The following ARHGEF10L variants were observed in gnomAD, a reference collection of about 807,000 sequenced individuals.
The protein encoded by ARHGEF10L is Rho guanine nucleotide exchange factor 10 like.
A neutral mutation model predicts 141.2 loss-of-function variants in ARHGEF10L; 69 were observed. The observed-to-expected ratio is 0.49, with a 90% CI of 0.40 to 0.60. The LOEUF (loss-of-function observed/expected upper bound fraction) is 0.60, where lower values mean the gene tolerates loss of function less well. Among genes scored for constraint, ARHGEF10L ranks in the 20% least tolerant of loss-of-function variants. The pLI, the probability that ARHGEF10L is intolerant of heterozygous loss-of-function variation, is 0.00. For synonymous variants in ARHGEF10L, 711 were observed against 718.5 expected, an observed-to-expected ratio of 0.99 and a Z score of 0.17; for missense variants, 1,482 against 1,734.3, an observed-to-expected ratio of 0.85 and a Z score of 2.58.
At chr1:17,671,696 C>T (rs937669289) in intron 26 of ARHGEF10L, among the ~76,000 whole-genome samples, 5 of 152,214 alleles carry the variant, frequency 3.3e-5, no homozygotes, top group African/African-American at 7.2e-5. Flanking sequence ...CCCGGGCTTC[C>T]CATCCTTGGA....
At chr1:17,687,251 A>G (rs1308890678) in intron 26 of ARHGEF10L, among the ~76,000 whole-genome samples, 1 of 152,018 alleles carries the variant, frequency 6.6e-6, no homozygotes, top group African/African-American at 2.4e-5. Flanking sequence ...GAGCGTGTGC[A>G]TGTCTTTCCT....
At chr1:17,588,402 C>G (rs1433083735) in intron 3 of ARHGEF10L, 44 bp from the exon 4 acceptor site, 1 of 1,611,492 alleles carries the variant, frequency 6.2e-7, no homozygotes, top group African/African-American at 1.3e-5. Flanking sequence ...TGCCTGGGGC[C>G]AGCCTCTGGC....
At chr1:17,661,559 C>G (rs957322850) in intron 25 of ARHGEF10L, among the ~76,000 whole-genome samples, 1 of 152,222 alleles carries the variant, frequency 6.6e-6, no homozygotes, top group Non-Finnish European at 1.5e-5. Context: ...CAGCGAGGCT[C>G]TGTTCCAGGG....
rs61668817 is a variant in ARHGEF10L at position 17,593,562 on chromosome 1, C to T, written c.257+5083C>T. On this transcript the variant is annotated intron_variant, in intron 4 of 28. Coordinates refer to ENST00000361221, the MANE Select transcript of ARHGEF10L (RefSeq NM_018125.4). ...CGCTCCTGGCCTTGGAAATGGAGGA[C>T]GGGATTGTGACCAAGGAATGCAGGT... 3.7e-3 allele frequency among the ~76,000 whole-genome samples: 564 copies of T among 152,090 alleles called. 6 individuals are homozygous for T. Among genetic ancestry groups the T allele is most frequent in the African/African-American group, 0.013 (542 of 41,456 alleles).
upstream of ARHGEF10L, among the ~76,000 whole-genome samples, chr1:17,536,839 TC>T (rs2076582786): frequency 6.6e-6 from 1 of 151,898 alleles, no homozygotes; most frequent in Admixed American, 6.6e-5. Flanking sequence ...TATCAGATCT[TC>T]CGATTTGTTA....
At chr1:17,675,985 G>A (rs1160567798) in intron 26 of ARHGEF10L, among the ~76,000 whole-genome samples, 1 of 139,850 alleles carries the variant, frequency 7.2e-6, no homozygotes, top group African/African-American at 2.7e-5. Context: ...TGTGGGTGCA[G>A]GTGTGTGCAG....
rs139569900 is a variant in ARHGEF10L, at chr1:17,571,054, A to G, written c.-43-9499A>G. Reference sequence around the variant, plus strand: ...AGACACAGAGCAGGCAGAGGGGCAGAGCCTGGAGTTCAAGGGCAGGACAGG... The same window carrying G: ...AGACACAGAGCAGGCAGAGGGGCAGGGCCTGGAGTTCAAGGGCAGGACAGG... On this transcript the variant is annotated intron_variant, in intron 1 of 28. Transcript: ENST00000361221. Among the ~76,000 whole-genome samples the G allele has an allele frequency of 5.4e-3, 817 of 152,206 alleles. 4 individuals carry two copies. The highest frequency in any genetic ancestry group is 8.6e-3 in the Non-Finnish European group (585 of 68,012).
chr1:17,579,391 CT>C (rs1395869288), intron 1 of ARHGEF10L, among the ~76,000 whole-genome samples: 1 of 152,196 alleles, frequency 6.6e-6, no homozygotes, highest in Non-Finnish European at 1.5e-5. Context: ...GTAGTAGCTG[CT>C]TCTAAGCACA....
At chr1:17,651,384 G>A (rs2061925899) in intron 22 of ARHGEF10L, among the ~76,000 whole-genome samples, 1 of 152,218 alleles carries the variant, frequency 6.6e-6, no homozygotes, top group African/African-American at 2.4e-5. Context: ...CCATGGAGTA[G>A]GGAGTATCAG....
chr1:17,607,627 A>G lies in ARHGEF10L; in HGVS notation c.434-175A>G, dbSNP rs2081295323. Among the ~76,000 whole-genome samples the G allele has an allele frequency of 6.6e-6, 1 of 152,188 alleles. No homozygotes were observed. The highest frequency in any genetic ancestry group is 2.4e-5 in the African/African-American group (1 of 41,454). ...GGCCCTCCTTGCCCTACGAGGGGGA[A>G]AATGTATTATCATCTTCGTTTCATG... On this transcript the variant is annotated intron_variant, in intron 6 of 28. Coordinates refer to ENST00000361221, the MANE Select transcript of ARHGEF10L (RefSeq NM_018125.4). The surrounding 1 kb of genome is among the most constrained non-coding windows in gnomAD (Gnocchi z 4.5).
Position 17,648,788 on chromosome 1 carries a change from G to A in ARHGEF10L, c.2394+113G>A. ...CACAGCAGGGAAGGCTCAGGTTCCA[G>A]CTGTGGCTTCTAAATTCTTACTGAC... On this transcript the variant is annotated intron_variant, in intron 22 of 28. Coordinates refer to ENST00000361221, the MANE Select transcript of ARHGEF10L (RefSeq NM_018125.4). 4.3e-6 allele frequency: 6 copies of A among 1,401,900 alleles called. No individual in the cohort carries two copies. The South Asian group carries it at 9.0e-5, about 21-fold the overall frequency. 86.8% of individuals were successfully genotyped at this position (1,401,900 alleles called of 1,614,324 possible).
In ARHGEF10L at chr1:17,625,993, A is replaced by G. The variant is rs1188550523; in HGVS notation, c.1355A>G (p.Tyr452Cys). ...TGCAGCCCAGACCGTGTCACCCTCT[A>G]CGGGCTGATGGTCAAGCCCATCCAG... ...QVCSPDRVTL[Y>C]GLMVKPIQRF... The change falls in exon 14 of 29, where the codon TAC becomes TGC. Residue 452 changes from tyrosine (Y) to cysteine (C), a missense_variant. Physicochemically the swap from Tyr to Cys is radical, Grantham distance 194. Around this residue, in one of 3 missense-constraint regions of ARHGEF10L, gnomAD observed 392 missense variants for 542.1 expected, o/e 0.72. Coordinates refer to ENST00000361221, the MANE Select transcript of ARHGEF10L (RefSeq NM_018125.4). This position sits in a 1 kb window ranked among gnomAD's most constrained non-coding sequence, Gnocchi z 4.5. 1 of 1,613,952 alleles carries G rather than the reference A, an allele frequency of 6.2e-7. No individual in the cohort carries two copies.
At chr1:17,622,794 G>T (rs1157652191) in intron 11 of ARHGEF10L, among the ~76,000 whole-genome samples, 4 of 152,194 alleles carry the variant, frequency 2.6e-5, no homozygotes, top group African/African-American at 9.6e-5. Context: ...ACAGAAGCAT[G>T]GGGGTGTTGT....
At chr1:17,622,541 C>T (rs558246118) in intron 11 of ARHGEF10L, among the ~76,000 whole-genome samples, 2 of 152,228 alleles carry the variant, frequency 1.3e-5, no homozygotes, top group Non-Finnish European at 2.9e-5. Flanking sequence ...CCTCTCTTCC[C>T]CTCTTGAGTT....
Position 17,621,622 on chromosome 1 carries a change from T to C in ARHGEF10L, c.943-242T>C, listed in dbSNP as rs1449447698. On this transcript the variant is annotated intron_variant, in intron 10 of 28. Transcript: ENST00000361221. The surrounding 1 kb of genome is among the most constrained non-coding windows in gnomAD (Gnocchi z 4.1). ...TGATTACCCCATCCCCAGATGTATG[T>C]GCACAGAGGGGCTTTCCCTGGGATG... Among the ~76,000 whole-genome samples, 4 of 152,216 alleles carry C rather than the reference T, an allele frequency of 2.6e-5. No homozygotes were observed. Among genetic ancestry groups the C allele is most frequent in the Non-Finnish European group, 4.4e-5 (3 of 68,042 alleles).
intron 26 of ARHGEF10L, among the ~76,000 whole-genome samples, chr1:17,669,700 G>A: frequency 6.6e-6 from 1 of 152,222 alleles, no homozygotes; most frequent in South Asian, 2.1e-4. Flanking sequence ...CGCCTTCCGG[G>A]CCGAGGACTG....
At chr1:17,525,496 G>A in the ARHGEF10L span, among the ~76,000 whole-genome samples, 7 of 152,048 alleles carry the variant, frequency 4.6e-5, no homozygotes, top group Non-Finnish European at 1.0e-4. Flanking sequence ...ATGTTGGCTT[G>A]AGCCATGGGT....
chr1:17,635,976 C>T (rs1326691238), intron 18 of ARHGEF10L, among the ~76,000 whole-genome samples: 1 of 152,184 alleles, frequency 6.6e-6, no homozygotes, highest in African/African-American at 2.4e-5. Context: ...ACCACCTACT[C>T]TTGCCGTCTG....
At chr1:17,669,626 C>T (rs990126230) in intron 26 of ARHGEF10L, among the ~76,000 whole-genome samples, 1 of 152,154 alleles carries the variant, frequency 6.6e-6, no homozygotes, top group East Asian at 1.9e-4. Context: ...GGTGCCTGGG[C>T]CCCCCAAAGC....
Sources: gnomAD v4.1 joint callset for allele counts (sites outside exome capture counted in the v4.1 genomes callset) on GRCh38, gnomAD v4.1.1 for gene constraint, gnomAD v4.1.1 regional missense constraint, Gnocchi (gnomAD v3.1) non-coding constraint, MANE v1.5 for transcripts, NCBI Gene and HGNC (gene_info 2026-07-23, HGNC 2026-07-21) for gene names.